KIF26B: variants seen among roughly 807,000 people sequenced by gnomAD.
KIF26B encodes kinesin family member 26B.
Under a neutral mutation model 151.2 loss-of-function variants are expected in KIF26B, and 63 were observed. The observed-to-expected ratio is 0.42, with a 90% CI of 0.34 to 0.51. The LOEUF is 0.51. Among genes scored for constraint, KIF26B ranks in the 20% least tolerant of loss-of-function variants. The pLI is 0.07. For synonymous variants in KIF26B, 1,357 were observed against 1,262.1 expected (o/e 1.08, Z -1.59); for missense variants, 2,813 against 2,913.6 (o/e 0.97, Z 0.79).
chr1:245,701,355 T>TTAAGGTTGTCCAG (rs1396035732), intron 14 of KIF26B, among the ~76,000 whole-genome samples: 1 of 152,238 alleles, frequency 6.6e-6, no homozygotes, highest in Non-Finnish European at 1.5e-5. Context: ...GATGCCACTT[T>TTAAGGTTGTCCAG]TAAGGTTGTC....
chr1:245,182,727 C>T (rs1668929784), intron 2 of KIF26B, among the ~76,000 whole-genome samples: 1 of 152,152 alleles, frequency 6.6e-6, no homozygotes, highest in Admixed American at 6.5e-5. Flanking sequence ...CCTCCACCTC[C>T]TGGGTTCAAG....
chr1:245,427,599 ACT>A (rs961352823), intron 4 of KIF26B, among the ~76,000 whole-genome samples: 8 of 152,128 alleles, frequency 5.3e-5, no homozygotes, highest in African/African-American at 1.9e-4. Flanking sequence ...CAAGGGTGAG[ACT>A]CTGTCTCAAA....
intron 4 of KIF26B, among the ~76,000 whole-genome samples, chr1:245,459,377 A>G (rs575745531): frequency 2.6e-4 from 39 of 151,750 alleles, no homozygotes; most frequent in African/African-American, 8.9e-4. Context: ...TGGGCCTGTA[A>G]CTCCTCTTCT....
chr1:245,303,457 C>G (rs1393173752), intron 2 of KIF26B, among the ~76,000 whole-genome samples: 1 of 150,848 alleles, frequency 6.6e-6, no homozygotes, highest in Non-Finnish European at 1.5e-5. Context: ...CTCGGCCTCC[C>G]AAAGTGCTGG....
intron 2 of KIF26B, among the ~76,000 whole-genome samples, chr1:245,158,704 C>T (rs915614315): frequency 4.6e-5 from 7 of 152,150 alleles, no homozygotes; most frequent in African/African-American, 7.2e-5. Context: ...CACAGTAAAG[C>T]GTGACATTTG....
intron 2 of KIF26B, among the ~76,000 whole-genome samples, chr1:245,314,429 G>A (rs139082667): frequency 1.0e-3 from 159 of 152,308 alleles, no homozygotes; most frequent in African/African-American, 3.8e-3. Context: ...TCCAGCCTGG[G>A]CGACAGAGCG....
At chr1:245,595,670 C>CGT (rs2043330664) in intron 5 of KIF26B, among the ~76,000 whole-genome samples, 1 of 152,080 alleles carries the variant, frequency 6.6e-6, no homozygotes, top group Non-Finnish European at 1.5e-5. Context: ...ATGATTCTGG[C>CGT]CTCATAAAAT....
intron 3 of KIF26B, among the ~76,000 whole-genome samples, chr1:245,397,812 A>G (rs561406621): frequency 6.6e-6 from 1 of 152,326 alleles, no homozygotes; most frequent in East Asian, 1.9e-4. Context: ...TCCTGAGAAT[A>G]GAATAGGAGC....
At chr1:245,377,315 G>T (rs894751226) in intron 3 of KIF26B, among the ~76,000 whole-genome samples, 1 of 152,206 alleles carries the variant, frequency 6.6e-6, no homozygotes, top group Non-Finnish European at 1.5e-5. Flanking sequence ...AAGGCCCCAG[G>T]GAAGAGTCCT....
chr1:245,217,235 T>C lies in KIF26B; in HGVS notation c.465+60552T>C, dbSNP rs1427665990. ...AAGAACAACAAAAACCTCCACCCAA[T>C]TTAGCAGTGAAACAGGAAACGCCGT... On this transcript the variant is annotated intron_variant, in intron 2 of 14. Transcript: ENST00000407071. 2.0e-5 allele frequency among the ~76,000 whole-genome samples: 3 copies of C among 152,276 alleles called. No homozygotes were observed. In the East Asian group the frequency reaches 5.8e-4, roughly 29 times the overall value.
chr1:245,444,952 G>A (rs1659214183), intron 4 of KIF26B, among the ~76,000 whole-genome samples: 1 of 152,194 alleles, frequency 6.6e-6, no homozygotes. Context: ...AGTGGAAACA[G>A]ATTTCTTCCA....
intron 2 of KIF26B, among the ~76,000 whole-genome samples, chr1:245,355,176 C>T (rs1244298091): frequency 1.3e-5 from 2 of 152,054 alleles, no homozygotes; most frequent in African/African-American, 2.4e-5. Context: ...CCGCCCATCT[C>T]GGCCTCCCAA....
chr1:245,535,512 A>G (rs1661471609), intron 4 of KIF26B, among the ~76,000 whole-genome samples: 1 of 152,194 alleles, frequency 6.6e-6, no homozygotes, highest in Non-Finnish European at 1.5e-5. Context: ...TATACTGGAA[A>G]TCATTCTGGT....
chr1:245,696,349 G>A (rs116478126), intron 12 of KIF26B, among the ~76,000 whole-genome samples: 4,380 of 152,314 alleles, frequency 0.029, 196 homozygotes, highest in African/African-American at 0.095. Flanking sequence ...GATGACATGA[G>A]TGAGCTTAGA....
rs1301574379 is a variant in KIF26B, at chr1:245,409,753, A to T, written c.1000-9826A>T. Among the ~76,000 whole-genome samples, 3 of 152,284 alleles carry T rather than the reference A, an allele frequency of 2.0e-5. No individual in the cohort carries two copies. In the East Asian group the frequency reaches 5.8e-4, roughly 30 times the overall value. ...TGCTGGACAGCACAGAGAGGAGTTTATCTGTCTGACTCAAGGCCAGCCTCA... is the reference window on the plus strand; with the variant it reads ...TGCTGGACAGCACAGAGAGGAGTTTTTCTGTCTGACTCAAGGCCAGCCTCA... On this transcript the variant is annotated intron_variant, in intron 3 of 14. Transcript: ENST00000407071.
intron 2 of KIF26B, among the ~76,000 whole-genome samples, chr1:245,302,741 A>T (rs1671448046): frequency 6.6e-6 from 1 of 152,158 alleles, no homozygotes; most frequent in Non-Finnish European, 1.5e-5. Context: ...CTGTAATCCC[A>T]GCACTTTGGG....
In KIF26B at chr1:245,700,673, C is replaced by T. The variant is rs150242694; in HGVS notation, c.6178+1636C>T. Among the ~76,000 whole-genome samples, 143 of 152,308 alleles carry T rather than the reference C, an allele frequency of 9.4e-4. 2 individuals carry two copies. The highest frequency in any genetic ancestry group is 3.3e-3 in the African/African-American group (136 of 41,568). ...AATAAAAAACAGGAGGCATTTCCTT[C>T]GTGTCTGCTTGCATGATGCACTGAG... On this transcript the variant is annotated intron_variant, in intron 14 of 14. Coordinates refer to ENST00000407071, the MANE Select transcript of KIF26B (RefSeq NM_018012.4).
intron 5 of KIF26B, among the ~76,000 whole-genome samples, chr1:245,573,768 C>T (rs76924491): frequency 0.012 from 1,764 of 152,248 alleles, 31 homozygotes; most frequent in African/African-American, 0.04. Flanking sequence ...ATGCCTGAGA[C>T]CTCAGAAAGT....
intron 2 of KIF26B, among the ~76,000 whole-genome samples, chr1:245,182,558 C>T (rs1668924507): frequency 6.6e-6 from 1 of 152,124 alleles, no homozygotes; most frequent in Non-Finnish European, 1.5e-5. Context: ...TTTGTGTGGA[C>T]ATATGGTTTC....
Sources: allele counts gnomAD v4.1 joint callset (sites outside exome capture counted in the v4.1 genomes callset), GRCh38; gene constraint gnomAD v4.1.1; transcripts MANE v1.5; gene names NCBI Gene and HGNC (gene_info 2026-07-23, HGNC 2026-07-21).